Variants in PPP3CA observed in about 807,000 individuals in gnomAD.
PPP3CA encodes protein phosphatase 3 catalytic subunit alpha.
PPP3CA carries 14 observed loss-of-function variants against 66.5 expected under a neutral mutation model. That is an observed-to-expected ratio of 0.21 (90% CI 0.14 to 0.33). The LOEUF (loss-of-function observed/expected upper bound fraction) is 0.33. Among genes scored for constraint, PPP3CA ranks in the 10% least tolerant of loss-of-function variants. The pLI, the probability that PPP3CA is intolerant of heterozygous loss-of-function variation, is 1.00. For synonymous variants in PPP3CA, 232 were observed against 226.2 expected (o/e 1.03, Z -0.23); for missense variants, 317 against 639.5 (o/e 0.50, Z 5.44).
intron 5 of PPP3CA, among the ~76,000 whole-genome samples, chr4:101,096,099 T>C (rs1730185414): frequency 6.6e-6 from 1 of 152,180 alleles, no homozygotes; most frequent in South Asian, 2.1e-4. Context: ...ACAAGGTTTA[T>C]TTATTGTGCT....
Position 101,090,258 on chromosome 4 carries a change from G to T in PPP3CA, c.782+3518C>A, listed in dbSNP as rs115066727. 1.2e-3 allele frequency among the ~76,000 whole-genome samples: 186 copies of T among 152,304 alleles called. 1 individual carries two copies. Among genetic ancestry groups the T allele is most frequent in the African/African-American group, 4.3e-3 (178 of 41,572 alleles). ...CATAATCCAGACTGCTTTGACATTA[G>T]TCAGTCTATATATAGGCCACAGATT... On this transcript the variant is annotated intron_variant, in intron 6 of 13. Coordinates refer to ENST00000394854, the MANE Select transcript of PPP3CA (RefSeq NM_000944.5).
In PPP3CA at chr4:101,274,425, C is replaced by A. The variant is rs767122353; in HGVS notation, c.58+72314G>T. 3.2e-4 allele frequency among the ~76,000 whole-genome samples: 49 copies of A among 152,132 alleles called. 1 individual carries two copies. Among genetic ancestry groups the A allele is most frequent in the Non-Finnish European group, 5.4e-4 (37 of 68,016 alleles). On this transcript the variant is annotated intron_variant, in intron 1 of 13. Coordinates refer to ENST00000394854, the MANE Select transcript of PPP3CA (RefSeq NM_000944.5). ...AAGGATATTTCAGCTGTTAATTGGG[C>A]ACAACATCCAAAATTAACAAATCTT...
At chr4:101,219,375 T>C (rs1190872608) in intron 1 of PPP3CA, among the ~76,000 whole-genome samples, 4 of 151,960 alleles carry the variant, frequency 2.6e-5, no homozygotes, top group African/African-American at 7.2e-5. Context: ...GTATATTATT[T>C]TCATGAGACA....
At chr4:101,170,268 A>G (rs1431557227) in intron 2 of PPP3CA, among the ~76,000 whole-genome samples, 2 of 110,400 alleles carry the variant, frequency 1.8e-5, no homozygotes, top group African/African-American at 5.5e-5. Flanking sequence ...CTACATAGAA[A>G]AGAAAAAAAA....
At chr4:101,038,373 T>C (rs1482375401) in intron 11 of PPP3CA, among the ~76,000 whole-genome samples, 3 of 149,922 alleles carry the variant, frequency 2.0e-5, no homozygotes, top group Non-Finnish European at 4.4e-5. Context: ...ACTTTTTTTT[T>C]CTTTTTTTTT....
intron 2 of PPP3CA, among the ~76,000 whole-genome samples, chr4:101,136,967 C>T (rs977244048): frequency 4.6e-5 from 7 of 152,038 alleles, no homozygotes; most frequent in East Asian, 1.9e-4. Context: ...CGTGCATGAG[C>T]GGGCAATGAC....
At chr4:101,072,927 C>T (rs1728981166) in intron 8 of PPP3CA, among the ~76,000 whole-genome samples, 1 of 138,188 alleles carries the variant, frequency 7.2e-6, no homozygotes, top group Non-Finnish European at 1.5e-5. Flanking sequence ...CAGAGTGAGA[C>T]TCCTTCTCAA....
rs112781538 is a variant in PPP3CA, at chr4:101,073,586, G to T, written c.955+6946C>A. ...GTACCACCTCATACTGATAATAAAA[G>T]AATACTAAGAGGTTTTGTTTGTAAT... On this transcript the variant is annotated intron_variant, in intron 8 of 13. Transcript: ENST00000394854. Among the ~76,000 whole-genome samples, 389 of 152,122 alleles carry T rather than the reference G, an allele frequency of 2.6e-3. 4 individuals are homozygous for T. Among genetic ancestry groups the T allele is most frequent in the African/African-American group, 8.8e-3 (365 of 41,522 alleles).
intron 2 of PPP3CA, among the ~76,000 whole-genome samples, chr4:101,112,388 T>C (rs546638693): frequency 1.3e-4 from 20 of 152,256 alleles, no homozygotes; most frequent in East Asian, 7.7e-4. Context: ...GGCTTGATGA[T>C]ATAAAATAGA....
chr4:101,178,001 G>T (rs1724117228), intron 2 of PPP3CA, among the ~76,000 whole-genome samples: 1 of 152,066 alleles, frequency 6.6e-6, no homozygotes, highest in South Asian at 2.1e-4. Flanking sequence ...GGTAATAAGT[G>T]ATATTTTTTG....
In PPP3CA at chr4:101,293,975, G is replaced by A. The variant is rs548377211; in HGVS notation, c.58+52764C>T. ...GAGGCATTATGTAAGGAGAATGAATGTACCGAGATAGGAAAACCAATATTT... is the reference window on the plus strand; with the variant it reads ...GAGGCATTATGTAAGGAGAATGAATATACCGAGATAGGAAAACCAATATTT... On this transcript the variant is annotated intron_variant, in intron 1 of 13. Coordinates refer to ENST00000394854, the MANE Select transcript of PPP3CA (RefSeq NM_000944.5). 2.0e-5 allele frequency among the ~76,000 whole-genome samples: 3 copies of A among 152,258 alleles called. No individual in the cohort carries two copies. The East Asian group carries it at 5.8e-4, about 29-fold the overall frequency.
chr4:101,101,268 C>T (rs149030412), intron 3 of PPP3CA, among the ~76,000 whole-genome samples: 57 of 152,160 alleles, frequency 3.7e-4, no homozygotes, highest in African/African-American at 1.2e-3. Context: ...GTGAGTAGTC[C>T]GGTAGCTTAA....
At chr4:101,280,953 C>A (rs1727663726) in intron 1 of PPP3CA, among the ~76,000 whole-genome samples, 1 of 150,654 alleles carries the variant, frequency 6.6e-6, no homozygotes, top group Non-Finnish European at 1.5e-5. Context: ...ACTGGAGAAA[C>A]AAAGAAGAAA....
At chr4:101,241,354 T>C (rs1202463986) in intron 1 of PPP3CA, among the ~76,000 whole-genome samples, 1 of 152,130 alleles carries the variant, frequency 6.6e-6, no homozygotes, top group East Asian at 1.9e-4. Context: ...TGGAAGGCCT[T>C]TGTAAATGTT....
chr4:101,241,185 T>C (rs1160386754), intron 1 of PPP3CA, among the ~76,000 whole-genome samples: 1 of 152,026 alleles, frequency 6.6e-6, no homozygotes, highest in Non-Finnish European at 1.5e-5. Flanking sequence ...TAAGAGGAGA[T>C]GGTATGGTAC....
chr4:101,096,381 C>T (rs1483513611), intron 5 of PPP3CA, among the ~76,000 whole-genome samples: 1 of 152,098 alleles, frequency 6.6e-6, no homozygotes, highest in African/African-American at 2.4e-5. Flanking sequence ...TAAAGAAACA[C>T]TACAAATGAG....
intron 1 of PPP3CA, among the ~76,000 whole-genome samples, chr4:101,230,056 G>A (rs1235448496): frequency 1.3e-5 from 2 of 151,586 alleles, no homozygotes; most frequent in Non-Finnish European, 3.0e-5. Flanking sequence ...AATGTTTTTT[G>A]TTTAAGGTCT....
At chr4:101,295,226 G>A (rs1312716042) in intron 1 of PPP3CA, among the ~76,000 whole-genome samples, 2 of 150,178 alleles carry the variant, frequency 1.3e-5, no homozygotes, top group Non-Finnish European at 3.0e-5. Flanking sequence ...GCGTGAACCC[G>A]GGAAGCGGAG....
Position 101,182,736 on chromosome 4 carries a change from T to C in PPP3CA, c.259+13180A>G, listed in dbSNP as rs1047145219. 1.2e-4 allele frequency among the ~76,000 whole-genome samples: 19 copies of C among 152,248 alleles called. 1 individual carries two copies. Among genetic ancestry groups the C allele is most frequent in the African/African-American group, 2.6e-4 (11 of 41,558 alleles). On this transcript the variant is annotated intron_variant, in intron 2 of 13. Coordinates refer to ENST00000394854, the MANE Select transcript of PPP3CA (RefSeq NM_000944.5). ...TAGCTGTATGCCCATCCAAATCTCA[T>C]AGTGAATTCCGACGTGTTGTGGGAG...
Sources: allele counts gnomAD v4.1 joint callset (sites outside exome capture counted in the v4.1 genomes callset), GRCh38; gene constraint gnomAD v4.1.1; transcripts MANE v1.5; gene names NCBI Gene and HGNC (gene_info 2026-07-23, HGNC 2026-07-21).